TMEM132D: variants seen among roughly 807,000 people sequenced by gnomAD.
TMEM132D encodes the protein transmembrane protein 132D.
A neutral mutation model predicts 62.3 loss-of-function variants in TMEM132D; 21 were observed. That is an observed-to-expected ratio of 0.34 (90% CI 0.24 to 0.49). TMEM132D has a LOEUF of 0.49. Ranked by LOEUF, TMEM132D falls within the 20% of genes least tolerant of loss-of-function variation. The pLI is 0.99. For missense variants in TMEM132D, 1,346 were observed against 1,402.8 expected (o/e 0.96, Z 0.65); for synonymous variants, 621 against 575.6 (o/e 1.08, Z -1.13).
chr12:129,648,121 C>A (rs1398543913), intron 2 of TMEM132D, among the ~76,000 whole-genome samples: 1 of 152,268 alleles, frequency 6.6e-6, no homozygotes, highest in Middle Eastern at 3.4e-3. Flanking sequence ...GGCCACAAGG[C>A]TCCTAACCTT....
chr12:129,236,531 AG>A (rs141276977), intron 4 of TMEM132D, among the ~76,000 whole-genome samples: 5 of 137,924 alleles, frequency 3.6e-5, no homozygotes, highest in African/African-American at 1.7e-4. Flanking sequence ...AAAAAAAAAA[AG>A]AAAAAAAAAA....
intron 3 of TMEM132D, among the ~76,000 whole-genome samples, chr12:129,425,781 C>A (rs530664388): frequency 1.1e-3 from 171 of 152,238 alleles, no homozygotes; most frequent in African/African-American, 4.0e-3. Flanking sequence ...TGTGCGTAAA[C>A]AATAAAGATC....
chr12:129,410,143 A>G (rs1871921473), intron 3 of TMEM132D, among the ~76,000 whole-genome samples: 1 of 152,100 alleles, frequency 6.6e-6, no homozygotes, highest in Non-Finnish European at 1.5e-5. Flanking sequence ...GTGGATCCTG[A>G]GCACTTGAGA....
At chr12:129,382,982 A>C (rs1870997193) in intron 3 of TMEM132D, among the ~76,000 whole-genome samples, 1 of 152,092 alleles carries the variant, frequency 6.6e-6, no homozygotes, top group South Asian at 2.1e-4. Flanking sequence ...TTGTGGAAAA[A>C]TATTAATGAC....
chr12:129,339,937 C>T (rs1869413722), intron 3 of TMEM132D, among the ~76,000 whole-genome samples: 1 of 152,174 alleles, frequency 6.6e-6, no homozygotes, highest in Non-Finnish European at 1.5e-5. Context: ...GATTCCTTGA[C>T]CTCAAATAAA....
intron 4 of TMEM132D, among the ~76,000 whole-genome samples, chr12:129,286,906 G>A (rs1296995930): frequency 1.3e-5 from 2 of 152,074 alleles, no homozygotes; most frequent in Non-Finnish European, 2.9e-5. Context: ...AAATTAGTCG[G>A]GCGTGGTGGC....
intron 2 of TMEM132D, among the ~76,000 whole-genome samples, chr12:129,677,895 A>T (rs1359243339): frequency 6.8e-6 from 1 of 146,504 alleles, no homozygotes; most frequent in Admixed American, 6.8e-5. Flanking sequence ...CATGAACATT[A>T]TATTGTTAGT....
chr12:129,128,124 A>G (rs549528715), intron 5 of TMEM132D, among the ~76,000 whole-genome samples: 71 of 152,272 alleles, frequency 4.7e-4, no homozygotes, highest in African/African-American at 1.6e-3. Context: ...CAAACTTGGA[A>G]GGTAGAGAGT....
In TMEM132D at chr12:129,734,260, C is replaced by G. The variant is rs374653074; in HGVS notation, c.80-33562G>C. Reference sequence around the variant, plus strand: ...AGATGTCATGAACAAAGAGAACGTACTTACAGAGGCCACCATGATGTCCAA... The same window carrying G: ...AGATGTCATGAACAAAGAGAACGTAGTTACAGAGGCCACCATGATGTCCAA... On this transcript the variant is annotated intron_variant, in intron 1 of 8. Transcript: ENST00000422113. 8.5e-5 allele frequency among the ~76,000 whole-genome samples: 13 copies of G among 152,308 alleles called. No individual in the cohort carries two copies. In the East Asian group the frequency reaches 2.3e-3, roughly 27 times the overall value.
chr12:129,745,005 TG>T (rs1229316477), intron 1 of TMEM132D, among the ~76,000 whole-genome samples: 1 of 152,108 alleles, frequency 6.6e-6, no homozygotes, highest in Non-Finnish European at 1.5e-5. Flanking sequence ...TGAGATCTGA[TG>T]GTTTTATTGA....
chr12:129,472,817 T>G (rs955975895), intron 3 of TMEM132D, among the ~76,000 whole-genome samples: 1 of 152,228 alleles, frequency 6.6e-6, no homozygotes, highest in African/African-American at 2.4e-5. Context: ...CGGAGAAATC[T>G]TTCATGAAAA....
rs184352344 is a variant in TMEM132D at position 129,423,535 on chromosome 12, C to T, written c.1116-85718G>A. Among the ~76,000 whole-genome samples, 18 of 152,250 alleles carry T rather than the reference C, an allele frequency of 1.2e-4. No homozygotes were observed. The East Asian group carries it at 3.5e-3, about 29-fold the overall frequency. ...GGTTGTAGGGCTCTATGGAAAAGGA[C>T]ACCATGATTAATTATCAATGTCTTC... is the stretch of plus-strand genomic sequence containing the variant. On this transcript the variant is annotated intron_variant, in intron 3 of 8. Transcript: ENST00000422113.
At chr12:129,836,037 G>A (rs892610680) in intron 1 of TMEM132D, among the ~76,000 whole-genome samples, 1 of 152,198 alleles carries the variant, frequency 6.6e-6, no homozygotes, top group African/African-American at 2.4e-5. Context: ...GTTATGTCCT[G>A]GGATGTCCCA....
chr12:129,462,401 A>C (rs1455378283), intron 3 of TMEM132D, among the ~76,000 whole-genome samples: 1 of 152,182 alleles, frequency 6.6e-6, no homozygotes, highest in Non-Finnish European at 1.5e-5. Context: ...TTCACCTTAG[A>C]CTCAGCAAGG....
chr12:129,814,233 G>C (rs1161133065), intron 1 of TMEM132D, among the ~76,000 whole-genome samples: 3 of 152,108 alleles, frequency 2.0e-5, no homozygotes, highest in Non-Finnish European at 4.4e-5. Flanking sequence ...GGAGAAAAAA[G>C]AATGAAACTG....
chr12:129,127,903 G>T (rs1876264120), intron 5 of TMEM132D, among the ~76,000 whole-genome samples: 1 of 152,244 alleles, frequency 6.6e-6, no homozygotes, highest in South Asian at 2.1e-4. Flanking sequence ...CACCTCTGCG[G>T]CCTCAAGTAT....
intron 2 of TMEM132D, among the ~76,000 whole-genome samples, chr12:129,596,133 G>A (rs2137138883): frequency 6.6e-6 from 1 of 152,274 alleles, no homozygotes; most frequent in East Asian, 1.9e-4. Flanking sequence ...GACAAATTGG[G>A]TATGGTTTTG....
intron 5 of TMEM132D, among the ~76,000 whole-genome samples, chr12:129,143,366 C>T (rs955329714): frequency 8.5e-5 from 13 of 152,162 alleles, no homozygotes; most frequent in Admixed American, 8.5e-4. Context: ...AGCTTTCATG[C>T]TTTCCCAGGA....
chr12:129,510,221 A>C (rs778146850), intron 3 of TMEM132D, among the ~76,000 whole-genome samples: 1 of 152,136 alleles, frequency 6.6e-6, no homozygotes, highest in Non-Finnish European at 1.5e-5. Flanking sequence ...CTGATGATCA[A>C]TGATGTTGAG....
Sources: gnomAD v4.1 joint callset for allele counts (sites outside exome capture counted in the v4.1 genomes callset) on GRCh38, gnomAD v4.1.1 for gene constraint, MANE v1.5 for transcripts, NCBI Gene and HGNC (gene_info 2026-07-23, HGNC 2026-07-21) for gene names.